LIN7A: variants seen among roughly 807,000 people sequenced by gnomAD.
The protein encoded by LIN7A is lin-7 cell polarity scaffold A, also known as protein lin-7 homolog A.
Under a neutral mutation model 29.8 loss-of-function variants are expected in LIN7A, and 25 were observed. The observed-to-expected ratio is 0.84, with a 90% CI of 0.61 to 1.17. The LOEUF (loss-of-function observed/expected upper bound fraction) is 1.17. Ranked by LOEUF, LIN7A falls within the 50% of genes most tolerant of loss-of-function variation. The pLI, the probability that LIN7A is intolerant of heterozygous loss-of-function variation, is 0.00. For synonymous variants in LIN7A, 118 were observed against 107.5 expected (o/e 1.10, Z -0.60); for missense variants, 239 against 287.0 (o/e 0.83, Z 1.21).
chr12:80,820,659 C>CACACACACACA (rs1555222258), intron 4 of LIN7A, among the ~76,000 whole-genome samples: 3 of 95,982 alleles, frequency 3.1e-5, no homozygotes, highest in Non-Finnish European at 5.4e-5. Flanking sequence ...ACACACACAC[C>CACACACACACA]CATCTTCAGG....
intron 2 of LIN7A, among the ~76,000 whole-genome samples, chr12:80,885,866 TA>T (rs145946619): frequency 0.023 from 3,494 of 152,234 alleles, 117 homozygotes; most frequent in African/African-American, 0.08. Context: ...CATCCAAATG[TA>T]AAGCAAAATA....
chr12:80,840,574 C>T (rs1016842495), intron 4 of LIN7A, among the ~76,000 whole-genome samples: 5 of 151,432 alleles, frequency 3.3e-5, no homozygotes, highest in African/African-American at 2.4e-5. Context: ...AATGTAAATA[C>T]TGTTAAAAAA....
At chr12:80,928,811 G>GT (rs1215502796) in intron 1 of LIN7A, among the ~76,000 whole-genome samples, 4 of 151,872 alleles carry the variant, frequency 2.6e-5, no homozygotes, top group Admixed American at 6.6e-5. Context: ...TTCTTCTAGG[G>GT]TTTTTTATGA....
intron 1 of LIN7A, among the ~76,000 whole-genome samples, chr12:80,916,509 C>G (rs1877038154): frequency 6.6e-6 from 1 of 152,152 alleles, no homozygotes; most frequent in Non-Finnish European, 1.5e-5. Context: ...CTGGGCCATG[C>G]TTCTCCAATT....
intron 4 of LIN7A, among the ~76,000 whole-genome samples, chr12:80,840,517 C>G (rs933993108): frequency 2.0e-5 from 3 of 152,116 alleles, no homozygotes; most frequent in African/African-American, 7.2e-5. Flanking sequence ...ACTCCTGGCC[C>G]TACTCTTTCA....
At chr12:80,832,582 G>A (rs1249551514) in intron 4 of LIN7A, 6 of 472,000 alleles carry the variant, frequency 1.3e-5, no homozygotes, top group South Asian at 9.6e-5. Flanking sequence ...ATTTGAAGGT[G>A]GTAGGAAATG....
intron 2 of LIN7A, among the ~76,000 whole-genome samples, chr12:80,881,702 A>G (rs1875050467): frequency 6.6e-6 from 1 of 152,140 alleles, no homozygotes; most frequent in Non-Finnish European, 1.5e-5. Context: ...TAAAGTCTGT[A>G]TATGATCTTT....
At chr12:80,843,256 A>G (rs890458844) in intron 4 of LIN7A, among the ~76,000 whole-genome samples, 1 of 152,192 alleles carries the variant, frequency 6.6e-6, no homozygotes, top group Admixed American at 6.5e-5. Context: ...GGCCTATACC[A>G]TAGGATTAAT....
At chr12:80,865,627 GAC>G (rs1310104833) in intron 2 of LIN7A, among the ~76,000 whole-genome samples, 1 of 152,212 alleles carries the variant, frequency 6.6e-6, no homozygotes, top group East Asian at 1.9e-4. Context: ...GCTGAAAGGT[GAC>G]ACAGATTCTC....
intron 5 of LIN7A, among the ~76,000 whole-genome samples, chr12:80,804,801 G>A (rs1166385220): frequency 3.9e-5 from 6 of 151,928 alleles, no homozygotes; most frequent in South Asian, 2.1e-4. Flanking sequence ...TGATCCAGCC[G>A]CTTTGGCCTC....
At chr12:80,905,496 T>C (rs1347959117) in intron 1 of LIN7A, among the ~76,000 whole-genome samples, 3 of 152,158 alleles carry the variant, frequency 2.0e-5, no homozygotes, top group Non-Finnish European at 4.4e-5. Flanking sequence ...CACAAACATA[T>C]ATAATATATA....
intron 2 of LIN7A, among the ~76,000 whole-genome samples, chr12:80,871,841 C>T (rs1874442582): frequency 6.6e-6 from 1 of 151,690 alleles, no homozygotes; most frequent in African/African-American, 2.4e-5. Flanking sequence ...ATGAGGAAAA[C>T]ATTTTTTAAC....
At chr12:80,900,759 A>G (rs1876170142) in intron 1 of LIN7A, among the ~76,000 whole-genome samples, 1 of 152,174 alleles carries the variant, frequency 6.6e-6, no homozygotes, top group South Asian at 2.1e-4. Context: ...TCAAAATTTC[A>G]TATTCTATTT....
chr12:80,833,914 G>A (rs1218874396), intron 4 of LIN7A, among the ~76,000 whole-genome samples: 3 of 152,094 alleles, frequency 2.0e-5, no homozygotes, highest in Admixed American at 6.5e-5. Context: ...AATTGTAATA[G>A]GGCATTTCTC....
chr12:80,874,306 C>T (rs557648764), intron 2 of LIN7A, among the ~76,000 whole-genome samples: 40 of 152,250 alleles, frequency 2.6e-4, no homozygotes, highest in African/African-American at 8.9e-4. Flanking sequence ...ACTATGGGCA[C>T]ATTTAAATAG....
Position 80,841,923 on chromosome 12 carries a change from G to A in LIN7A, c.483+3807C>T, listed in dbSNP as rs116498323. On this transcript the variant is annotated intron_variant, in intron 4 of 5. Transcript: ENST00000552864. ...TTAAATTTTAATTCAGCATTCAGTT[G>A]TAAGGTTTCACTGAGGATTGATATA... is the stretch of plus-strand genomic sequence containing the variant. The A allele has an allele frequency of 1.4e-3, 1,496 of 1,057,934 alleles. 20 individuals carry two copies. The African/African-American group carries it at 0.023, about 16-fold the overall frequency. The allele number at this position is 1,057,934 out of a possible 1,614,324, so 65.5% of individuals were successfully genotyped here.
chr12:80,845,701 G>GA, intron 4 of LIN7A, 29 bp downstream of exon 4: 1 of 1,572,394 alleles, frequency 6.4e-7, no homozygotes, highest in South Asian at 1.2e-5. Flanking sequence ...TGCTTAAGGA[G>GA]AAAATCTCTG....
At chr12:80,916,811 A>T (rs899400948) in intron 1 of LIN7A, among the ~76,000 whole-genome samples, 1 of 133,318 alleles carries the variant, frequency 7.5e-6, no homozygotes, top group African/African-American at 3.6e-5. Context: ...TTTGCCAGAT[A>T]AAGAGAAGAA....
Position 80,888,622 on chromosome 12 carries a change from A to G in LIN7A, c.201+629T>C, listed in dbSNP as rs1016680970. ...GAGTAATGGGTTACCAAGTAAAACA[A>G]TATAGCTTGTAGATCTCAAGTGGCT... On this transcript the variant is annotated intron_variant, in intron 2 of 5. Transcript: ENST00000552864. Among the ~76,000 whole-genome samples, 4 of 152,130 alleles carry G rather than the reference A, an allele frequency of 2.6e-5. No individual in the cohort carries two copies. In the South Asian group the frequency reaches 8.3e-4, roughly 32 times the overall value.
Sources: gnomAD v4.1 joint callset for allele counts (sites outside exome capture counted in the v4.1 genomes callset) on GRCh38, gnomAD v4.1.1 for gene constraint, MANE v1.5 for transcripts, NCBI Gene and HGNC (gene_info 2026-07-23, HGNC 2026-07-21) for gene names.